The following TINCR variants were observed in gnomAD, a reference collection of about 807,000 sequenced individuals.
TINCR encodes TINCR ubiquitin domain containing.
intron 1 of TINCR, 39 bp downstream of exon 1, chr19:5,567,626 G>GCCTCCCCCCCCCCCCCCCC: frequency 4.9e-6 from 1 of 202,438 alleles, no homozygotes; most frequent in Non-Finnish European, 9.8e-6. Flanking sequence ...GTCCCCGGCC[G>GCCTCCCCCCCCCCCCCCCC]CCGCCCCCGC....
chr19:5,566,926 G>A (rs1034373168), intron 1 of TINCR, among the ~76,000 whole-genome samples: 2 of 151,560 alleles, frequency 1.3e-5, no homozygotes, highest in Admixed American at 6.6e-5. Context: ...AGCAGAGAGA[G>A]AAGTGGGCAG....
rs2145287664 is a variant in TINCR at position 5,563,202 on chromosome 19, G to A, written c.261-253C>T. Among the ~76,000 whole-genome samples the A allele has an allele frequency of 6.6e-6, 1 of 152,058 alleles. No homozygotes were observed. The highest frequency in any genetic ancestry group is 2.1e-4 in the South Asian group (1 of 4,802). ...GACTTGGGCTTTGACCCTGAGGGAG[G>A]TGGGAGCCATGGAGGGCTGCCGGCA... On this transcript the variant is annotated intron_variant, in intron 1 of 1. Coordinates refer to ENST00000646160, the Ensembl canonical transcript of TINCR. The surrounding 1 kb of genome is among the most constrained non-coding windows in gnomAD (Gnocchi z 4.7).
chr19:5,567,626 G>GCCCCCCCCCCCC (rs2052138246), intron 1 of TINCR, 39 bp downstream of exon 1: 1 of 202,442 alleles, frequency 4.9e-6, no homozygotes, highest in Non-Finnish European at 9.8e-6. Flanking sequence ...GTCCCCGGCC[G>GCCCCCCCCCCCC]CCGCCCCCGC....
downstream of TINCR, chr19:5,558,903 T>G: frequency 6.8e-6 from 1 of 146,010 alleles, no homozygotes; most frequent in Non-Finnish European, 1.5e-5. Flanking sequence ...AAGAGAAAAA[T>G]GGAAGATAGG....
intron 1 of TINCR, among the ~76,000 whole-genome samples, chr19:5,566,374 G>A (rs756790857): frequency 5.9e-5 from 9 of 151,498 alleles, no homozygotes; most frequent in Non-Finnish European, 1.0e-4. Context: ...AGACAAAAGA[G>A]ACACACAGAG....
chr19:5,565,593 C>T lies in TINCR; in HGVS notation c.260+2072G>A, dbSNP rs527815618. Reference sequence around the variant, plus strand: ...CCAGACCTCATAGAAGGTACGCTGCCGAGAACACCCTCTCCTAGCCCCAAG... The same window carrying T: ...CCAGACCTCATAGAAGGTACGCTGCTGAGAACACCCTCTCCTAGCCCCAAG... On this transcript the variant is annotated intron_variant, in intron 1 of 1. Transcript: ENST00000646160. The surrounding 1 kb of genome is among the most constrained non-coding windows in gnomAD (Gnocchi z 4.0). 6.6e-6 allele frequency among the ~76,000 whole-genome samples: 1 copy of T among 152,180 alleles called. No individual in the cohort carries two copies. Among genetic ancestry groups the T allele is most frequent in the South Asian group, 2.1e-4 (1 of 4,818 alleles).
intron 1 of TINCR, 36 bp downstream of exon 1, chr19:5,567,629 G>GCCCCCCCCCCCCC: frequency 3.8e-5 from 7 of 181,984 alleles, no homozygotes; most frequent in Admixed American, 6.5e-5. Flanking sequence ...CCCGGCCGCC[G>GCCCCCCCCCCCCC]CCCCCGCCCC....
In TINCR at chr19:5,567,823, C is replaced by T. The variant is rs535446271; in HGVS notation, c.102G>A (p.Arg34=). 42 of 394,280 alleles carry T rather than the reference C, an allele frequency of 1.1e-4. No homozygotes were observed. In the South Asian group the frequency reaches 5.2e-3, roughly 49 times the overall value. The allele number at this position is 394,280 out of a possible 1,614,324, so 24.4% of individuals were successfully genotyped here. A position where few individuals can be genotyped will look rare whatever the true frequency, so the allele number is the denominator to read the frequency against. ...GGGCGCGCAGGTCGCTGAGCGTGTC[C>T]CGCGGCCGCACGGTCAGCGGTAGCA... Residue 34 remains arginine, a synonymous_variant, in exon 1 of 2, where the codon CGG becomes CGA. Coordinates refer to ENST00000646160, the Ensembl canonical transcript of TINCR.
At chr19:5,566,158 A>C (rs190715967) in intron 1 of TINCR, among the ~76,000 whole-genome samples, 1 of 152,336 alleles carries the variant, frequency 6.6e-6, no homozygotes, top group African/African-American at 2.4e-5. Context: ...GAGACCAGAG[A>C]AGGAAGAGAG....
downstream of TINCR, chr19:5,562,168 C>A (rs2052105194): frequency 6.5e-6 from 1 of 152,716 alleles, no homozygotes; most frequent in Non-Finnish European, 1.5e-5. This position sits in a 1 kb window ranked among gnomAD's most constrained non-coding sequence, Gnocchi z 4.4. Flanking sequence ...AGCCAGTACC[C>A]AGGTCCCCTT....
Position 5,563,872 on chromosome 19 carries a change from G to A in TINCR, c.261-923C>T, listed in dbSNP as rs1341727001. ...AGAGGTTGCAGTGAGCCGAGATTGC[G>A]CCACTGCACTCCAGCCTGGGCGACA... On this transcript the variant is annotated intron_variant, in intron 1 of 1. Transcript: ENST00000646160. This position sits in a 1 kb window ranked among gnomAD's most constrained non-coding sequence, Gnocchi z 4.7. Among the ~76,000 whole-genome samples, 4 of 152,206 alleles carry A rather than the reference G, an allele frequency of 2.6e-5. No homozygotes were observed. The highest frequency in any genetic ancestry group is 2.1e-4 in the South Asian group (1 of 4,820).
chr19:5,560,773 G>C (rs537671851), downstream of TINCR: 3 of 152,456 alleles, frequency 2.0e-5, no homozygotes, highest in Admixed American at 1.3e-4. This position sits in a 1 kb window ranked among gnomAD's most constrained non-coding sequence, Gnocchi z 4.5. Flanking sequence ...GGTATTTGGG[G>C]GTGGAAATGG....
downstream of TINCR, chr19:5,559,756 G>A (rs774031870): frequency 2.0e-5 from 3 of 152,208 alleles, no homozygotes; most frequent in Admixed American, 6.5e-5. Flanking sequence ...AAACCCTGAC[G>A]AGGCATGTCC....
exon 1 of TINCR, chr19:5,567,667 G>T: frequency 9.1e-6 from 1 of 110,392 alleles, no homozygotes; most frequent in Non-Finnish European, 1.8e-5. Flanking sequence ...GCGGCCACCT[G>T]GGGTCGCTGA....
rs2052139488 is a variant in TINCR, at chr19:5,567,770, C to T, written c.155G>A (p.Trp52Ter). 1 of 394,060 alleles carries T rather than the reference C, an allele frequency of 2.5e-6. No homozygotes were observed. The highest frequency in any genetic ancestry group is 1.3e-4 in the South Asian group (1 of 7,830). 24.4% of individuals were successfully genotyped at this position (394,060 alleles called of 1,614,324 possible). A position where few individuals can be genotyped will look rare whatever the true frequency, so the allele number is the denominator to read the frequency against. ...CGCGTTGTAGTAGAAGGCGCGCTTC[C>T]AGGAGCTCACGCCCTGGCCCACCAG... The change falls in exon 1 of 2, where the codon TGG (tryptophan) becomes TAG (stop). Residue 52 changes from tryptophan (W) to a stop codon, truncating the protein, a stop_gained. Transcript: ENST00000646160. LOFTEE classifies it high-confidence loss of function.
At chr19:5,561,495 C>G (rs2052101857), downstream of TINCR, 1 of 152,432 alleles carries the variant, frequency 6.6e-6, no homozygotes, top group Non-Finnish European at 1.5e-5. Flanking sequence ...TTCCTTTTAC[C>G]TAACATCCCT....
downstream of TINCR, chr19:5,562,378 G>C (rs2052106212): frequency 6.6e-6 from 1 of 152,574 alleles, no homozygotes; most frequent in South Asian, 2.1e-4. The surrounding 1 kb of genome is among the most constrained non-coding windows in gnomAD (Gnocchi z 4.4). Flanking sequence ...GGCACCGCTA[G>C]AGCTCCAGAA....
chr19:5,567,626 G>GCCTACCCCCCCC, intron 1 of TINCR, 39 bp downstream of exon 1: 1 of 202,440 alleles, frequency 4.9e-6, no homozygotes, highest in Non-Finnish European at 9.8e-6. Context: ...GTCCCCGGCC[G>GCCTACCCCCCCC]CCGCCCCCGC....
At chr19:5,560,931 C>T (rs189784154), downstream of TINCR, 9 of 154,132 alleles carry the variant, frequency 5.8e-5, no homozygotes, top group African/African-American at 2.2e-4. This position sits in a 1 kb window ranked among gnomAD's most constrained non-coding sequence, Gnocchi z 4.5. Flanking sequence ...GCTAGGTGCT[C>T]TCTGGCTGGG....
Sources: allele counts gnomAD v4.1 joint callset (sites outside exome capture counted in the v4.1 genomes callset), GRCh38; gene constraint gnomAD v4.1.1; non-coding constraint Gnocchi (gnomAD v3.1); transcripts MANE v1.5; gene names NCBI Gene and HGNC (gene_info 2026-07-23, HGNC 2026-07-21).